The following BZW2 variants were observed in gnomAD, a reference collection of about 807,000 sequenced individuals.
BZW2 encodes eIF5-mimic protein 1.
A neutral mutation model predicts 53.2 loss-of-function variants in BZW2; 23 were observed. The observed-to-expected ratio is 0.43, with a 90% CI of 0.31 to 0.61. The LOEUF (loss-of-function observed/expected upper bound fraction) is 0.61. Ranked by LOEUF, BZW2 falls within the 20% of genes least tolerant of loss-of-function variation. BZW2 has a pLI of 0.09. For missense variants in BZW2, 409 were observed against 503.1 expected (o/e 0.81, Z 1.79); for synonymous variants, 227 against 186.4 (o/e 1.22, Z -1.77).
At chr7:16,704,434 A>C in intron 10 of BZW2, 113 bp from the exon 11 acceptor site, 1 of 1,149,448 alleles carries the variant, frequency 8.7e-7, no homozygotes, top group Non-Finnish European at 1.2e-6. Context: ...CTGATAAGTA[A>C]CAGAATGCTT....
intron 1 of BZW2, among the ~76,000 whole-genome samples, chr7:16,649,104 A>G (rs1018204647): frequency 5.3e-5 from 8 of 152,148 alleles, no homozygotes; most frequent in Non-Finnish European, 4.4e-5. Context: ...CTAAATTGAC[A>G]TCATTGCTTC....
At position 16,686,144 on chromosome 7, in the gene BZW2, C is replaced by T. The variant is rs1783118921; in HGVS notation, c.541+104C>T. The T allele has an allele frequency of 2.7e-6, 4 of 1,475,566 alleles. No individual in the cohort carries two copies. The South Asian group carries it at 4.9e-5, about 18-fold the overall frequency. 91.4% of individuals were successfully genotyped at this position (1,475,566 alleles called of 1,614,324 possible). A position where few individuals can be genotyped will look rare whatever the true frequency, so the allele number is the denominator to read the frequency against. ...GCTCTTTTTGGTGTCCTCTATTACT[C>T]ATTCTTCATTTAAGAGAATATCTTT... On this transcript the variant is annotated intron_variant, in intron 6 of 11. Coordinates refer to ENST00000258761, the MANE Select transcript of BZW2 (RefSeq NM_014038.3).
chr7:16,682,667 T>G, intron 4 of BZW2, 113 bp from the exon 5 acceptor site: 1 of 503,690 alleles, frequency 2.0e-6, no homozygotes, highest in South Asian at 4.2e-5. Flanking sequence ...GTGAGCCTGT[T>G]TAACTATACA....
intron 7 of BZW2, among the ~76,000 whole-genome samples, chr7:16,692,539 G>T (rs1211583753): frequency 2.6e-5 from 4 of 152,130 alleles, no homozygotes; most frequent in African/African-American, 9.7e-5. Flanking sequence ...GAGGCAGGTG[G>T]ATATCTTGAG....
At chr7:16,683,908 T>C (rs10258341) in intron 5 of BZW2, among the ~76,000 whole-genome samples, 31,565 of 152,098 alleles carry the variant, frequency 0.21, 3,421 homozygotes, top group East Asian at 0.38. Context: ...AAAGTGGTTC[T>C]GTGTATAATA....
chr7:16,702,839 A>G (rs1370458603), intron 10 of BZW2, among the ~76,000 whole-genome samples: 3 of 152,216 alleles, frequency 2.0e-5, no homozygotes, highest in Non-Finnish European at 4.4e-5. Context: ...TGATAGTTTA[A>G]TAGTGCATGA....
intron 10 of BZW2, among the ~76,000 whole-genome samples, chr7:16,698,940 T>C (rs955590495): frequency 6.6e-6 from 1 of 152,214 alleles, no homozygotes; most frequent in Non-Finnish European, 1.5e-5. Flanking sequence ...AAAGTTAAAA[T>C]AATACCAGCC....
At chr7:16,664,395 C>A (rs1313680939) in intron 1 of BZW2, among the ~76,000 whole-genome samples, 1 of 152,176 alleles carries the variant, frequency 6.6e-6, no homozygotes, top group Non-Finnish European at 1.5e-5. Context: ...GAGAAGACCT[C>A]CATTTTCAGG....
chr7:16,697,848 C>A (rs1783547629), intron 9 of BZW2, among the ~76,000 whole-genome samples, 200 bp from the exon 10 acceptor site: 1 of 152,146 alleles, frequency 6.6e-6, no homozygotes, highest in African/African-American at 2.4e-5. Context: ...CTTCCCAGTT[C>A]CCTCACAGGT....
At chr7:16,694,015 T>C (rs537202433) in intron 7 of BZW2, among the ~76,000 whole-genome samples, 1 of 152,342 alleles carries the variant, frequency 6.6e-6, no homozygotes, top group South Asian at 2.1e-4. Context: ...TGGATATATT[T>C]TTTAGACCCT....
chr7:16,700,447 C>T (rs368065670), intron 10 of BZW2, among the ~76,000 whole-genome samples: 1 of 152,144 alleles, frequency 6.6e-6, no homozygotes, highest in Non-Finnish European at 1.5e-5. Context: ...GCTCTCATTC[C>T]GTGTTTTATA....
At position 16,665,067 on chromosome 7, in the gene BZW2, T is replaced by C. The variant is rs192092688; in HGVS notation, c.-7-370T>C. Among the ~76,000 whole-genome samples the C allele has an allele frequency of 3.0e-4, 45 of 152,248 alleles. No individual in the cohort carries two copies. The East Asian group carries it at 8.5e-3, about 29-fold the overall frequency. ...TGGCTCACGCCTGTAATCCCAACAG[T>C]TTGTGAGGCCAAGGTGGGTGGATCA... On this transcript the variant is annotated intron_variant, in intron 1 of 11. Coordinates refer to ENST00000258761, the MANE Select transcript of BZW2 (RefSeq NM_014038.3).
intron 10 of BZW2, among the ~76,000 whole-genome samples, chr7:16,701,585 G>A (rs528697354): frequency 2.9e-4 from 44 of 152,232 alleles, no homozygotes; most frequent in Admixed American, 3.9e-4. Context: ...TTCAGACTAA[G>A]TTTCTAAATA....
At chr7:16,684,482 A>G (rs929325694) in intron 5 of BZW2, among the ~76,000 whole-genome samples, 5 of 152,206 alleles carry the variant, frequency 3.3e-5, no homozygotes, top group Admixed American at 6.5e-5. Context: ...ATGATGATCT[A>G]ATTTTTGTAC....
intron 2 of BZW2, among the ~76,000 whole-genome samples, chr7:16,666,955 C>G (rs1023164335): frequency 6.8e-6 from 1 of 147,670 alleles, no homozygotes; most frequent in Non-Finnish European, 1.5e-5. Context: ...GTCAGTTTTG[C>G]ATAATTATAT....
At chr7:16,698,298 C>A in intron 10 of BZW2, 112 bp downstream of exon 10, 1 of 1,378,088 alleles carries the variant, frequency 7.3e-7, no homozygotes, top group Non-Finnish European at 1.0e-6. Flanking sequence ...AGAGGGACAG[C>A]AAGATGCTAA....
intron 1 of BZW2, among the ~76,000 whole-genome samples, chr7:16,652,624 A>C (rs1008937246): frequency 2.0e-5 from 3 of 152,136 alleles, no homozygotes; most frequent in African/African-American, 7.2e-5. Flanking sequence ...TCCTGGGTTC[A>C]AGTGATTCTC....
At chr7:16,671,143 C>T (rs1474049550) in intron 2 of BZW2, among the ~76,000 whole-genome samples, 1 of 152,160 alleles carries the variant, frequency 6.6e-6, no homozygotes, top group African/African-American at 2.4e-5. Context: ...TATGCCTTTT[C>T]TACTATGGAA....
chr7:16,670,451 G>C (rs1332709291), intron 2 of BZW2, among the ~76,000 whole-genome samples: 3 of 152,272 alleles, frequency 2.0e-5, no homozygotes, highest in South Asian at 4.2e-4. Flanking sequence ...TCTACCACCT[G>C]AATCAACATC....
Sources: gnomAD v4.1 joint callset for allele counts (sites outside exome capture counted in the v4.1 genomes callset) on GRCh38, gnomAD v4.1.1 for gene constraint, MANE v1.5 for transcripts, NCBI Gene and HGNC (gene_info 2026-07-23, HGNC 2026-07-21) for gene names.